Variants in BMPR1B observed in about 807,000 individuals in gnomAD.
BMPR1B encodes bone morphogenetic protein receptor type 1B.
BMPR1B carries 12 observed loss-of-function variants against 59.1 expected under a neutral mutation model. The ratio of observed to expected loss-of-function variants is 0.20; its 90% CI spans 0.13 to 0.33. The LOEUF (loss-of-function observed/expected upper bound fraction) is 0.33. BMPR1B is among the 10% of genes least tolerant of loss of function. BMPR1B has a pLI of 1.00. For synonymous variants in BMPR1B, 237 were observed against 207.3 expected (o/e 1.14, Z -1.23); for missense variants, 550 against 610.9 (o/e 0.90, Z 1.05).
intron 2 of BMPR1B, among the ~76,000 whole-genome samples, chr4:94,896,881 T>C (rs578013405): frequency 6.6e-6 from 1 of 152,130 alleles, no homozygotes; most frequent in East Asian, 1.9e-4. Flanking sequence ...ATAAGTGAAA[T>C]GAATAGAGGG....
At chr4:94,830,366 A>C (rs1462061922) in intron 1 of BMPR1B, among the ~76,000 whole-genome samples, 1 of 152,186 alleles carries the variant, frequency 6.6e-6, no homozygotes, top group East Asian at 1.9e-4. Context: ...GTATTTATAA[A>C]TATAATTCTG....
At chr4:95,154,406 T>C in intron 12 of BMPR1B, 142 bp from the exon 13 acceptor site, 1 of 1,162,776 alleles carries the variant, frequency 8.6e-7, no homozygotes, top group South Asian at 1.5e-5. Context: ...TGAAAAAAGC[T>C]TACAGAATTT....
chr4:95,023,906 A>G (rs1724172875), intron 3 of BMPR1B, among the ~76,000 whole-genome samples: 5 of 152,184 alleles, frequency 3.3e-5, no homozygotes, highest in Admixed American at 3.3e-4. Context: ...CAATGTGACA[A>G]TATTGGGAGG....
intron 3 of BMPR1B, among the ~76,000 whole-genome samples, chr4:95,101,776 G>A (rs530654093): frequency 1.0e-3 from 154 of 152,178 alleles, no homozygotes; most frequent in Non-Finnish European, 2.0e-3. Context: ...GATTGCAGTG[G>A]GCACCTGTGG....
intron 2 of BMPR1B, among the ~76,000 whole-genome samples, chr4:94,946,403 A>G (rs1460606825): frequency 6.6e-6 from 1 of 152,186 alleles, no homozygotes; most frequent in Non-Finnish European, 1.5e-5. Context: ...CAGTTTTACC[A>G]GTTTTTATAT....
At chr4:94,806,865 A>G (rs937264438) in intron 1 of BMPR1B, among the ~76,000 whole-genome samples, 2 of 152,178 alleles carry the variant, frequency 1.3e-5, no homozygotes, top group Middle Eastern at 3.4e-3. Flanking sequence ...TTTTTTTGGC[A>G]AATCTGGGGA....
At position 95,155,701 on chromosome 4, in the gene BMPR1B, T is replaced by G. The variant is rs1355536517; in HGVS notation, c.*1028T>G. ...GTGCAGATGGCTTGTATCTTATATA[T>G]GCAAAGGAGCCAATCTCAGAAGCAC... On this transcript the variant is annotated 3_prime_UTR_variant, in exon 13 of 13. Coordinates refer to ENST00000515059, the MANE Select transcript of BMPR1B (RefSeq NM_001203.3). 6.6e-6 allele frequency: 1 copy of G among 152,016 alleles called. No homozygotes were observed. The highest frequency in any genetic ancestry group is 1.5e-5 in the Non-Finnish European group (1 of 68,000). 9.4% of individuals were successfully genotyped at this position (152,016 alleles called of 1,614,324 possible).
chr4:94,804,316 A>G (rs1723524372), intron 1 of BMPR1B, among the ~76,000 whole-genome samples: 1 of 152,234 alleles, frequency 6.6e-6, no homozygotes. Flanking sequence ...TCATTTTAAA[A>G]TGGGATATCT....
intron 2 of BMPR1B, among the ~76,000 whole-genome samples, chr4:94,913,135 A>C (rs1402719749): frequency 3.9e-5 from 6 of 152,152 alleles, no homozygotes; most frequent in Non-Finnish European, 8.8e-5. Context: ...TTATTTGAGT[A>C]AAATTTTATT....
intron 1 of BMPR1B, among the ~76,000 whole-genome samples, chr4:94,809,540 C>T (rs896163922): frequency 6.6e-6 from 1 of 152,188 alleles, no homozygotes; most frequent in African/African-American, 2.4e-5. Flanking sequence ...AGAGTACACA[C>T]AACAAATACT....
chr4:95,132,876 C>G (rs3796442), intron 10 of BMPR1B, among the ~76,000 whole-genome samples: 1 of 152,088 alleles, frequency 6.6e-6, no homozygotes, highest in Non-Finnish European at 1.5e-5. Context: ...TTCTCTATTG[C>G]CATCACCCTA....
intron 1 of BMPR1B, among the ~76,000 whole-genome samples, chr4:94,822,031 A>C (rs749361498): frequency 7.2e-5 from 11 of 152,224 alleles, no homozygotes; most frequent in Non-Finnish European, 1.5e-4. Flanking sequence ...GAGACTGGGA[A>C]ATTTATAATG....
chr4:94,893,159 T>C (rs1429148610), intron 2 of BMPR1B, among the ~76,000 whole-genome samples: 1 of 152,050 alleles, frequency 6.6e-6, no homozygotes, highest in Non-Finnish European at 1.5e-5. Flanking sequence ...TCCTTTATAA[T>C]ATAAATGAAT....
At chr4:95,127,439 A>C (rs1000570984) in intron 8 of BMPR1B, among the ~76,000 whole-genome samples, 7 of 152,190 alleles carry the variant, frequency 4.6e-5, no homozygotes, top group African/African-American at 1.7e-4. Context: ...GTCAAAACTT[A>C]TAATTAAATT....
At chr4:94,796,718 T>C (rs1322335931) in intron 1 of BMPR1B, among the ~76,000 whole-genome samples, 1 of 152,176 alleles carries the variant, frequency 6.6e-6, no homozygotes, top group Non-Finnish European at 1.5e-5. Flanking sequence ...CCTATGTGTC[T>C]TTGCTGAGCT....
chr4:94,811,739 C>T (rs1424647892), intron 1 of BMPR1B, among the ~76,000 whole-genome samples: 3 of 152,044 alleles, frequency 2.0e-5, no homozygotes, highest in African/African-American at 7.2e-5. Context: ...ACCTTTGAAT[C>T]CAAATATTTT....
At chr4:94,970,440 C>T (rs570504105) in intron 2 of BMPR1B, among the ~76,000 whole-genome samples, 9 of 151,920 alleles carry the variant, frequency 5.9e-5, no homozygotes, top group Non-Finnish European at 1.3e-4. Flanking sequence ...CTCAGCCTCC[C>T]GAATAGCTGG....
intron 3 of BMPR1B, among the ~76,000 whole-genome samples, chr4:95,090,196 A>G (rs770493581): frequency 5.9e-5 from 9 of 152,044 alleles, no homozygotes; most frequent in Admixed American, 2.0e-4. Context: ...TTTTTAATAT[A>G]CTTTTTGGCT....
chr4:95,100,293 CT>C (rs980179129), intron 3 of BMPR1B, among the ~76,000 whole-genome samples: 2 of 151,938 alleles, frequency 1.3e-5, no homozygotes, highest in African/African-American at 4.8e-5. Context: ...TATTAAAATG[CT>C]TTTTTTCCCC....
Sources: gnomAD v4.1 joint callset for allele counts (sites outside exome capture counted in the v4.1 genomes callset) on GRCh38, gnomAD v4.1.1 for gene constraint, MANE v1.5 for transcripts, NCBI Gene and HGNC (gene_info 2026-07-23, HGNC 2026-07-21) for gene names.